The following ANKRD31 variants were observed in gnomAD, a reference collection of about 807,000 sequenced individuals.
ANKRD31 encodes the protein ankyrin repeat domain 31.
ANKRD31 carries 147 observed loss-of-function variants against 186.0 expected under a neutral mutation model. The ratio of observed to expected loss-of-function variants is 0.79; its 90% CI spans 0.69 to 0.91. ANKRD31 has a LOEUF of 0.91. ANKRD31 is among the 40% of genes least tolerant of loss of function. The probability of loss-of-function intolerance (pLI) is 0.00; values close to 1 mark genes in which losing one functional copy is unlikely to be tolerated. For missense variants in ANKRD31, 1,986 were observed against 2,148.8 expected (o/e 0.92, Z 1.50); for synonymous variants, 673 against 736.4 (o/e 0.91, Z 1.39).
At chr5:75,102,893 G>A (rs1747022722) in intron 22 of ANKRD31, among the ~76,000 whole-genome samples, 1 of 152,156 alleles carries the variant, frequency 6.6e-6, no homozygotes, top group Non-Finnish European at 1.5e-5. Flanking sequence ...GTGAGGTGAT[G>A]CCCCACCCTG....
At chr5:75,159,771 T>A (rs984602962) in intron 11 of ANKRD31, among the ~76,000 whole-genome samples, 3 of 151,802 alleles carry the variant, frequency 2.0e-5, no homozygotes, top group African/African-American at 7.3e-5. Flanking sequence ...CAAATCCACA[T>A]GAAAAAGCCT....
chr5:75,222,465 G>C (rs1051588343), intron 2 of ANKRD31, 107 bp from the exon 3 acceptor site: 4 of 762,138 alleles, frequency 5.2e-6, no homozygotes, highest in Non-Finnish European at 2.0e-6. Context: ...GAATCATCTA[G>C]TATATTATTT....
intron 17 of ANKRD31, among the ~76,000 whole-genome samples, chr5:75,119,564 G>A (rs1256938894): frequency 1.3e-5 from 2 of 152,188 alleles, no homozygotes; most frequent in Non-Finnish European, 2.9e-5. Flanking sequence ...TAACACACAA[G>A]TGTATATGTC....
intron 17 of ANKRD31, among the ~76,000 whole-genome samples, chr5:75,123,018 A>G (rs1233644806): frequency 6.6e-6 from 1 of 152,138 alleles, no homozygotes; most frequent in African/African-American, 2.4e-5. Context: ...TTCACTGATA[A>G]TATGCTCGTA....
chr5:75,147,411 C>T lies in ANKRD31; in HGVS notation c.2000G>A (p.Ser667Asn). 6.6e-7 allele frequency: 1 copy of T among 1,521,774 alleles called. No homozygotes were observed. The highest frequency in any genetic ancestry group is 8.8e-7 in the Non-Finnish European group (1 of 1,141,192). 94.3% of individuals were successfully genotyped at this position (1,521,774 alleles called of 1,614,324 possible). Residue 667 changes from serine (S) to asparagine (N), a missense_variant, in exon 14 of 26, where the codon AGC becomes AAC. Transcript: ENST00000506364. ...KLEHVKVNKG[S>N]KASLFINKED... The stretch of plus-strand genomic sequence containing the variant: ...TTTATTTATAAATAAACTCGCTTTG[C>T]TTCCTTTATTGACTTTTACATGTTC...
intron 23 of ANKRD31, among the ~76,000 whole-genome samples, chr5:75,089,075 C>T (rs888704653): frequency 6.6e-6 from 1 of 152,172 alleles, no homozygotes; most frequent in Non-Finnish European, 1.5e-5. Context: ...GTCTACTAGG[C>T]ACTAGTGGTT....
intron 20 of ANKRD31, 149 bp from the exon 21 acceptor site, chr5:75,107,766 C>T: frequency 3.6e-6 from 2 of 562,080 alleles, no homozygotes; most frequent in East Asian, 3.0e-5. Flanking sequence ...TCAATTAAGG[C>T]TTATTTAACA....
At chr5:75,171,005 G>T (rs1467808674) in intron 10 of ANKRD31, among the ~76,000 whole-genome samples, 1 of 151,878 alleles carries the variant, frequency 6.6e-6, no homozygotes, top group Non-Finnish European at 1.5e-5. Context: ...ATCAAAGAAA[G>T]AAACAGACAA....
intron 10 of ANKRD31, among the ~76,000 whole-genome samples, chr5:75,186,239 T>C (rs1032033662): frequency 6.6e-6 from 1 of 152,096 alleles, no homozygotes; most frequent in Admixed American, 6.6e-5. Context: ...AAAAAGAAAT[T>C]GGAGGAAATC....
chr5:75,235,734 T>G lies in ANKRD31; in HGVS notation c.104+849A>C, dbSNP rs975572725. Among the ~76,000 whole-genome samples the G allele has an allele frequency of 5.3e-5, 8 of 152,192 alleles. No individual in the cohort carries two copies. In the East Asian group the frequency reaches 7.7e-4, roughly 15 times the overall value. On this transcript the variant is annotated intron_variant, in intron 1 of 25. Transcript: ENST00000506364. ...AAGAGAAAGTGTCTACCAGAGGAAC[T>G]GGGAAAAGGGATCGGTATTGCCTGA...
chr5:75,103,738 C>G (rs1747098358), intron 22 of ANKRD31, among the ~76,000 whole-genome samples: 1 of 152,158 alleles, frequency 6.6e-6, no homozygotes, highest in African/African-American at 2.4e-5. Context: ...CTTCAGCAAA[C>G]TAACGCAAGA....
chr5:75,136,368 C>A (rs941725664), intron 17 of ANKRD31, among the ~76,000 whole-genome samples: 1 of 152,164 alleles, frequency 6.6e-6, no homozygotes, highest in Non-Finnish European at 1.5e-5. Flanking sequence ...TGAACAGACA[C>A]TTCTCAAAAG....
In ANKRD31 at chr5:75,192,540, C is replaced by T. The variant is rs991039237; in HGVS notation, c.1408+127G>A. 6 of 736,660 alleles carry T rather than the reference C, an allele frequency of 8.1e-6. No individual in the cohort carries two copies. The African/African-American group carries it at 8.9e-5, about 11-fold the overall frequency. 45.6% of individuals were successfully genotyped at this position (736,660 alleles called of 1,614,324 possible). Reference sequence around the variant, plus strand: ...GAGCTGTATGGTTCTGGGAAAAACCCTTAACCTATCTGAAATTCAGTTTCC... The same window carrying T: ...GAGCTGTATGGTTCTGGGAAAAACCTTTAACCTATCTGAAATTCAGTTTCC... On this transcript the variant is annotated intron_variant, in intron 9 of 25. Coordinates refer to ENST00000506364, the MANE Select transcript of ANKRD31 (RefSeq NM_001372053.1).
chr5:75,180,501 A>T (rs1463734116), intron 10 of ANKRD31, among the ~76,000 whole-genome samples: 1 of 152,204 alleles, frequency 6.6e-6, no homozygotes, highest in African/African-American at 2.4e-5. Flanking sequence ...AGGCTACAGT[A>T]ACCAAAACAG....
In ANKRD31 at chr5:75,135,423, C is replaced by A. The variant is rs189444369; in HGVS notation, c.3876+2433G>T. On this transcript the variant is annotated intron_variant, in intron 17 of 25. Coordinates refer to ENST00000506364, the MANE Select transcript of ANKRD31 (RefSeq NM_001372053.1). ...AGTGAACTCCCATTCACAATTGCTT[C>A]CAAGAGAATAAAATACCTAGGAATC... is the stretch of plus-strand genomic sequence containing the variant. 6.0e-3 allele frequency among the ~76,000 whole-genome samples: 915 copies of A among 152,248 alleles called. 11 individuals are homozygous for A. The highest frequency in any genetic ancestry group is 0.021 in the African/African-American group (874 of 41,538).
intron 10 of ANKRD31, among the ~76,000 whole-genome samples, chr5:75,174,409 G>T (rs1030480320): frequency 1.7e-4 from 26 of 152,198 alleles, no homozygotes; most frequent in African/African-American, 6.3e-4. Flanking sequence ...CTTCTCCACA[G>T]GAAAAGAAAC....
In ANKRD31 at chr5:75,146,990, C is replaced by T. The variant is rs1466941884; in HGVS notation, c.2421G>A (p.Glu807=). The T allele has an allele frequency of 1.3e-6, 2 of 1,536,196 alleles. No individual in the cohort carries two copies. The highest frequency in any genetic ancestry group is 2.7e-5 in the African/African-American group (2 of 72,956). ...ATAAATCCAGGTTCTGGATGTGTTT[C>T]TCTTTGGAAACTGAACAAGCCTCAG... is the stretch of plus-strand genomic sequence containing the variant. The part of the protein sequence containing the change: ...SSTEACSVSK[E]KHIQNLDLSD... The change falls in exon 14 of 26, where the codon GAG becomes GAA. Residue 807 remains glutamate (E), a synonymous_variant. Coordinates refer to ENST00000506364, the MANE Select transcript of ANKRD31 (RefSeq NM_001372053.1).
intron 3 of ANKRD31, among the ~76,000 whole-genome samples, chr5:75,221,358 T>G (rs1468428609): frequency 6.6e-6 from 1 of 152,222 alleles, no homozygotes; most frequent in Non-Finnish European, 1.5e-5. Flanking sequence ...ATTCTTTGTG[T>G]GTGTGTGTGC....
At chr5:75,235,241 C>CT (rs35626841) in intron 1 of ANKRD31, among the ~76,000 whole-genome samples, 41,972 of 99,956 alleles carry the variant, frequency 0.42, 10,283 homozygotes, top group South Asian at 0.53. Flanking sequence ...CTTGCTGGTA[C>CT]TTTTTTTTTT....
Sources: gnomAD v4.1 joint callset for allele counts (sites outside exome capture counted in the v4.1 genomes callset) on GRCh38, gnomAD v4.1.1 for gene constraint, MANE v1.5 for transcripts, NCBI Gene and HGNC (gene_info 2026-07-23, HGNC 2026-07-21) for gene names.